CTNNA3: variants seen among roughly 807,000 people sequenced by gnomAD.
CTNNA3 encodes the protein catenin alpha-3.
Under a neutral mutation model 95.7 loss-of-function variants are expected in CTNNA3, and 76 were observed. The ratio of observed to expected loss-of-function variants is 0.79; its 90% CI spans 0.66 to 0.96. CTNNA3 has a LOEUF of 0.96. CTNNA3 is among the 40% of genes least tolerant of loss of function. The pLI is 0.00. For missense variants in CTNNA3, 1,191 were observed against 1,089.8 expected, an observed-to-expected ratio of 1.09 and a Z score of -1.31; for synonymous variants, 431 against 374.4, an observed-to-expected ratio of 1.15 and a Z score of -1.74.
intron 4 of CTNNA3, among the ~76,000 whole-genome samples, chr10:67,528,899 A>C (rs886626597): frequency 3.3e-5 from 5 of 152,180 alleles, no homozygotes; most frequent in Non-Finnish European, 7.4e-5. Flanking sequence ...TGTATGGTCA[A>C]AGGTCATAAA....
chr10:66,129,055 G>A (rs968790675), intron 13 of CTNNA3, among the ~76,000 whole-genome samples: 5 of 152,066 alleles, frequency 3.3e-5, no homozygotes, highest in South Asian at 2.1e-4. Context: ...ACCTGAGGTC[G>A]GAAGTTCAAG....
chr10:67,653,718 G>A (rs542904176), intron 1 of CTNNA3, among the ~76,000 whole-genome samples: 2 of 152,000 alleles, frequency 1.3e-5, no homozygotes, highest in South Asian at 4.2e-4. Flanking sequence ...TCTTATTTGG[G>A]ATTATCACCC....
At chr10:66,184,756 C>T (rs2086241537) in intron 13 of CTNNA3, among the ~76,000 whole-genome samples, 2 of 152,140 alleles carry the variant, frequency 1.3e-5, no homozygotes, top group Admixed American at 6.5e-5. Context: ...TTATATCATC[C>T]TGTCAAATCA....
At position 67,382,323 on chromosome 10, in the gene CTNNA3, T is replaced by C. The variant is rs111525530; in HGVS notation, c.579+139519A>G. Among the ~76,000 whole-genome samples, 1,245 of 152,230 alleles carry C rather than the reference T, an allele frequency of 8.2e-3. 13 individuals are homozygous for C. The highest frequency in any genetic ancestry group is 0.029 in the African/African-American group (1,186 of 41,536). ...TTCACATGGCACACTAAACAAAAAT[T>C]TTAACAAAATTGTATTCATTTTTAT... is the stretch of plus-strand genomic sequence containing the variant. On this transcript the variant is annotated intron_variant, in intron 5 of 17. Coordinates refer to ENST00000433211, the MANE Select transcript of CTNNA3 (RefSeq NM_013266.4).
chr10:66,899,138 T>C (rs768041789), intron 7 of CTNNA3, among the ~76,000 whole-genome samples: 1 of 152,102 alleles, frequency 6.6e-6, no homozygotes, highest in Non-Finnish European at 1.5e-5. Flanking sequence ...ATAAGGGAAA[T>C]GCAAATCAAA....
chr10:65,982,964 A>C (rs1256463640), intron 16 of CTNNA3, among the ~76,000 whole-genome samples: 8 of 151,562 alleles, frequency 5.3e-5, no homozygotes. Flanking sequence ...ATCAACATGA[A>C]ACAATTCAAA....
intron 13 of CTNNA3, among the ~76,000 whole-genome samples, chr10:66,251,605 T>C (rs1399777419): frequency 6.6e-6 from 1 of 152,112 alleles, no homozygotes; most frequent in Non-Finnish European, 1.5e-5. Context: ...AATTGAAACA[T>C]AATAGAAAAT....
intron 15 of CTNNA3, among the ~76,000 whole-genome samples, chr10:66,008,200 A>G (rs2078935525): frequency 6.6e-6 from 1 of 152,208 alleles, no homozygotes; most frequent in Admixed American, 6.5e-5. Flanking sequence ...ATTTAGGAAG[A>G]AAAGAATAGA....
chr10:67,302,572 G>C (rs554832381), intron 5 of CTNNA3, among the ~76,000 whole-genome samples: 1 of 152,094 alleles, frequency 6.6e-6, no homozygotes, highest in East Asian at 1.9e-4. Flanking sequence ...AAATAAAATG[G>C]TAAATAAGTT....
chr10:67,494,693 A>G (rs754975681), intron 5 of CTNNA3, among the ~76,000 whole-genome samples: 1 of 152,236 alleles, frequency 6.6e-6, no homozygotes, highest in African/African-American at 2.4e-5. Context: ...AATATTTTCC[A>G]TTCTATTTGG....
chr10:66,692,842 A>G (rs1178186188), intron 9 of CTNNA3, among the ~76,000 whole-genome samples: 1 of 152,148 alleles, frequency 6.6e-6, no homozygotes, highest in Non-Finnish European at 1.5e-5. Context: ...TCAACCCAGA[A>G]TTTCATATCC....
intron 6 of CTNNA3, among the ~76,000 whole-genome samples, chr10:67,190,894 A>T (rs1358360101): frequency 6.6e-6 from 1 of 152,114 alleles, no homozygotes; most frequent in Non-Finnish European, 1.5e-5. Context: ...TTAAAACTCA[A>T]CTATAAATAA....
At chr10:67,472,705 G>T (rs935320889) in intron 5 of CTNNA3, among the ~76,000 whole-genome samples, 4 of 152,140 alleles carry the variant, frequency 2.6e-5, no homozygotes, top group Non-Finnish European at 5.9e-5. Flanking sequence ...GGACTGGGGG[G>T]ATAGGGTGCT....
At chr10:67,128,849 T>C (rs865796340) in intron 7 of CTNNA3, among the ~76,000 whole-genome samples, 3 of 152,056 alleles carry the variant, frequency 2.0e-5, no homozygotes, top group African/African-American at 7.2e-5. Flanking sequence ...AAGAAAAAAA[T>C]ACAATTCCTC....
At chr10:66,062,850 G>A (rs1250975055) in intron 15 of CTNNA3, among the ~76,000 whole-genome samples, 1 of 152,078 alleles carries the variant, frequency 6.6e-6, no homozygotes, top group Non-Finnish European at 1.5e-5. Context: ...ATTTTCAAAT[G>A]ATTTGTCACT....
chr10:66,213,085 T>C (rs1181922125), intron 13 of CTNNA3, among the ~76,000 whole-genome samples: 2 of 152,220 alleles, frequency 1.3e-5, no homozygotes, highest in Non-Finnish European at 2.9e-5. Context: ...CATATTAATG[T>C]ATTACATTTA....
At chr10:66,504,678 T>G (rs777097685) in intron 11 of CTNNA3, among the ~76,000 whole-genome samples, 4 of 152,162 alleles carry the variant, frequency 2.6e-5, no homozygotes, top group Non-Finnish European at 4.4e-5. Flanking sequence ...TTAACGATTT[T>G]TCCTCATCCA....
At chr10:66,124,548 A>T (rs985115397) in intron 13 of CTNNA3, among the ~76,000 whole-genome samples, 9 of 152,264 alleles carry the variant, frequency 5.9e-5, no homozygotes, top group African/African-American at 2.2e-4. Context: ...GCAGCACCCC[A>T]CTGTACTGGT....
intron 7 of CTNNA3, among the ~76,000 whole-genome samples, chr10:66,915,711 AAT>A (rs71468808): frequency 2.8e-5 from 4 of 143,820 alleles, no homozygotes; most frequent in Non-Finnish European, 3.0e-5. Flanking sequence ...ATATATATAT[AAT>A]ATATATATAT....
Sources: gnomAD v4.1 joint callset for allele counts (sites outside exome capture counted in the v4.1 genomes callset) on GRCh38, gnomAD v4.1.1 for gene constraint, MANE v1.5 for transcripts, NCBI Gene and HGNC (gene_info 2026-07-23, HGNC 2026-07-21) for gene names.